MED13: variants seen among roughly 807,000 people sequenced by gnomAD.
MED13 encodes mediator of RNA polymerase II transcription subunit 13.
MED13 carries 23 observed loss-of-function variants against 225.2 expected under a neutral mutation model. The ratio of observed to expected loss-of-function variants is 0.10; its 90% CI spans 0.07 to 0.14. The LOEUF (loss-of-function observed/expected upper bound fraction) is 0.14, where lower values mean the gene tolerates loss of function less well. Among genes scored for constraint, MED13 ranks in the 10% least tolerant of loss-of-function variants. MED13 has a pLI of 1.00. For synonymous variants in MED13, 942 were observed against 889.2 expected, an observed-to-expected ratio of 1.06 and a Z score of -1.06; for missense variants, 2,197 against 2,594.5, an observed-to-expected ratio of 0.85 and a Z score of 3.33.
At chr17:62,016,935 A>C (rs774297206) in intron 8 of MED13, among the ~76,000 whole-genome samples, 8 of 151,954 alleles carry the variant, frequency 5.3e-5, no homozygotes, top group Admixed American at 3.3e-4. Flanking sequence ...ACTTGAACCC[A>C]GGAGGTGGAG....
In MED13 at chr17:61,965,351, T is replaced by C. The variant is rs754653149; in HGVS notation, c.4499A>G (p.Asn1500Ser). 1 of 1,614,220 alleles carries C rather than the reference T, an allele frequency of 6.2e-7. No homozygotes were observed. The highest frequency in any genetic ancestry group is 8.5e-7 in the Non-Finnish European group (1 of 1,180,034). The change falls in exon 20 of 30, where the codon AAT becomes AGT. Residue 1500 changes from asparagine to serine, a missense_variant. Physicochemically the swap from Asn to Ser is conservative, Grantham distance 46. Transcript: ENST00000397786. ...PPQMTNTGNA[N>S]TPSATLASAA... is the part of the protein sequence containing the mutation. Reference sequence around the variant, plus strand: ...AGATGCTAAGGTGGCAGATGGAGTATTAGCATTTCCAGTATTTGTCATCTG... The same window carrying C: ...AGATGCTAAGGTGGCAGATGGAGTACTAGCATTTCCAGTATTTGTCATCTG...
intron 2 of MED13, among the ~76,000 whole-genome samples, chr17:62,060,242 G>T (rs2081027731): frequency 3.3e-5 from 5 of 151,978 alleles, no homozygotes; most frequent in Non-Finnish European, 7.4e-5. Context: ...GCAGTGAGCT[G>T]AGATTGCGCC....
intron 9 of MED13, chr17:62,006,594 T>G (rs1244978051): frequency 1.3e-5 from 2 of 151,082 alleles, no homozygotes; most frequent in Non-Finnish European, 2.9e-5. Flanking sequence ...ATATACAACA[T>G]TTCCAATCAG....
At position 61,984,370 on chromosome 17, in the gene MED13, A is replaced by G. The variant is rs769946797; in HGVS notation, c.2692-3T>C. On this transcript the variant is annotated splice_region_variant and splice_polypyrimidine_tract_variant and intron_variant, in intron 14 of 29. Transcript: ENST00000397786. ...GGCTTATAGACATAAGAAAAATCCT[A>G]CAATATAAAGATGGTAGGTTTTCAG... is the stretch of plus-strand genomic sequence containing the variant. 3 of 1,549,318 alleles carry G rather than the reference A, an allele frequency of 1.9e-6. No individual in the cohort carries two copies. In the African/African-American group the frequency reaches 4.2e-5, roughly 22 times the overall value.
chr17:62,022,172 A>T lies in MED13; in HGVS notation c.1283+7369T>A, dbSNP rs912228471. Among the ~76,000 whole-genome samples, 772 of 94,508 alleles carry T rather than the reference A, an allele frequency of 8.2e-3. 5 individuals are homozygous for T. Among genetic ancestry groups the T allele is most frequent in the African/African-American group, 0.036 (726 of 19,980 alleles). 62.0% of individuals were successfully genotyped at this position (94,508 alleles called of 152,430 possible). A position where few individuals can be genotyped will look rare whatever the true frequency, so the allele number is the denominator to read the frequency against. On this transcript the variant is annotated intron_variant, in intron 8 of 29. Transcript: ENST00000397786. The stretch of plus-strand genomic sequence containing the variant: ...AACAGAGCAAGACTGTCTCAAAAAA[A>T]AAATATATATATATATATATATATT...
Position 61,946,549 on chromosome 17 carries a change from T to G in MED13, c.6444A>C (p.Ala2148=). The change falls in exon 30 of 30, where the codon GCA becomes GCC. Residue 2148 remains alanine (A), a synonymous_variant. Coordinates refer to ENST00000397786, the MANE Select transcript of MED13 (RefSeq NM_005121.3). ...NALSWLTCDP[A]TQDRRSCLPI... ...GGAGACATGAGCGTCTGTCCTGGGTTGCAGGGTCACAGGTTAGCCAGGAGA... is the reference window on the plus strand; with the variant it reads ...GGAGACATGAGCGTCTGTCCTGGGTGGCAGGGTCACAGGTTAGCCAGGAGA... 1 of 1,614,072 alleles carries G rather than the reference T, an allele frequency of 6.2e-7. No homozygotes were observed. The highest frequency in any genetic ancestry group is 8.5e-7 in the Non-Finnish European group (1 of 1,179,928).
intron 8 of MED13, among the ~76,000 whole-genome samples, chr17:62,014,686 C>T (rs1281730817): frequency 6.6e-6 from 1 of 152,040 alleles, no homozygotes. Context: ...AGAGACAAGT[C>T]TTGCTCTGTC....
intron 3 of MED13, among the ~76,000 whole-genome samples, chr17:62,037,878 C>T (rs1478791759): frequency 7.0e-6 from 1 of 143,668 alleles, no homozygotes; most frequent in Non-Finnish European, 1.5e-5. Flanking sequence ...TCACTTGAAC[C>T]CAGGGAGGCA....
chr17:62,011,751 G>GGT (rs2080511412), intron 8 of MED13, among the ~76,000 whole-genome samples: 1 of 152,176 alleles, frequency 6.6e-6, no homozygotes, highest in African/African-American at 2.4e-5. Flanking sequence ...TTGACTGATT[G>GGT]ATGGGCCTCA....
chr17:62,033,694 C>G (rs1206060537), intron 5 of MED13, 93 bp downstream of exon 5: 26 of 1,194,990 alleles, frequency 2.2e-5, no homozygotes, highest in Non-Finnish European at 2.5e-5. Context: ...TTGAAAGCCA[C>G]TGAGTTATTA....
intron 3 of MED13, among the ~76,000 whole-genome samples, chr17:62,047,924 G>T (rs1431185395): frequency 1.3e-5 from 2 of 151,028 alleles, no homozygotes; most frequent in Non-Finnish European, 2.9e-5. Context: ...CATAAAGAAA[G>T]CCGGGTGCAG....
chr17:61,972,927 C>T (rs1187811466), intron 16 of MED13, 39 bp from the exon 17 acceptor site: 3 of 1,518,102 alleles, frequency 2.0e-6, no homozygotes, highest in Admixed American at 2.2e-5. Context: ...TTAAGAATTG[C>T]TATTGCCAAC....
intron 8 of MED13, among the ~76,000 whole-genome samples, chr17:62,021,485 G>A (rs2080646560): frequency 6.6e-6 from 1 of 151,866 alleles, no homozygotes. Flanking sequence ...CTTCCCAGTA[G>A]GGGCGGCCGG....
At chr17:61,977,601 G>A (rs2080168432) in intron 16 of MED13, among the ~76,000 whole-genome samples, 1 of 152,046 alleles carries the variant, frequency 6.6e-6, no homozygotes, top group Admixed American at 6.6e-5. Context: ...ACAGGTGCCC[G>A]CCACCACGCC....
rs1453921280 is a variant in MED13 at position 61,968,292 on chromosome 17, T to TA, written c.3968-35dup. 7 of 1,415,582 alleles carry TA rather than the reference T, an allele frequency of 4.9e-6. No individual in the cohort carries two copies. The African/African-American group carries it at 5.8e-5, about 12-fold the overall frequency. The allele number at this position is 1,415,582 out of a possible 1,614,324, so 87.7% of individuals were successfully genotyped here. On this transcript the variant is annotated intron_variant, in intron 17 of 29. Transcript: ENST00000397786. ...GAAAGATGTATTTTAAGAAAACACT[T>TA]AAAAACAAGACATGTCTCCTTTTTA...
intron 3 of MED13, 126 bp downstream of exon 3, chr17:62,052,411 G>T: frequency 1.7e-6 from 1 of 582,616 alleles, no homozygotes; most frequent in Non-Finnish European, 2.7e-6. Context: ...ACTGTATCTA[G>T]TACTCTGTCA....
chr17:62,029,398 C>A, intron 8 of MED13, 143 bp downstream of exon 8: 1 of 619,078 alleles, frequency 1.6e-6, no homozygotes, highest in South Asian at 2.3e-5. Context: ...CTTCAAATTC[C>A]TGAAATATTT....
In MED13 at chr17:62,063,111, C is replaced by T. The variant is rs373781466; in HGVS notation, c.257G>A (p.Gly86Asp). Residue 86 changes from glycine (G) to aspartate (D), a missense_variant, in exon 2 of 30, where the codon GGT becomes GAT. Transcript: ENST00000397786. ...AAGGTCAGCAAAACTGGGGTCTTCA[C>T]CCCACCAAAATATCCACAATTCTCT... ...GRRELWIFWW[G>D]EDPSFADLIH... The T allele has an allele frequency of 1.2e-6, 2 of 1,614,038 alleles. No homozygotes were observed. Among genetic ancestry groups the T allele is most frequent in the Non-Finnish European group, 1.7e-6 (2 of 1,180,018 alleles).
chr17:62,063,111 C>A lies in MED13; in HGVS notation c.257G>T (p.Gly86Val), dbSNP rs373781466. Reference protein sequence around the residue: ...GRRELWIFWWGEDPSFADLIH... With the variant: ...GRRELWIFWWVEDPSFADLIH... Reference sequence around the variant, plus strand: ...AAGGTCAGCAAAACTGGGGTCTTCACCCCACCAAAATATCCACAATTCTCT... The same window carrying A: ...AAGGTCAGCAAAACTGGGGTCTTCAACCCACCAAAATATCCACAATTCTCT... The change falls in exon 2 of 30, where the codon GGT becomes GTT. Residue 86 changes from glycine to valine, a missense_variant. Physicochemically the swap from Gly to Val is moderately radical, Grantham distance 109. Coordinates refer to ENST00000397786, the MANE Select transcript of MED13 (RefSeq NM_005121.3). The A allele has an allele frequency of 1.9e-6, 3 of 1,614,156 alleles. No homozygotes were observed. Among genetic ancestry groups the A allele is most frequent in the Admixed American group, 1.7e-5 (1 of 60,024 alleles).
Sources: gnomAD v4.1 joint callset for allele counts (sites outside exome capture counted in the v4.1 genomes callset) on GRCh38, gnomAD v4.1.1 for gene constraint, MANE v1.5 for transcripts, NCBI Gene and HGNC (gene_info 2026-07-23, HGNC 2026-07-21) for gene names.